The following SPAG16 variants were observed in gnomAD, a reference collection of about 807,000 sequenced individuals.
SPAG16 encodes sperm associated antigen 16, also known as sperm-associated antigen 16 protein.
A neutral mutation model predicts 80.4 loss-of-function variants in SPAG16; 86 were observed. The observed-to-expected ratio is 1.07, with a 90% CI of 0.90 to 1.28. The LOEUF is 1.28. SPAG16 is among the 50% of genes most tolerant of loss of function. SPAG16 has a pLI of 0.00. For synonymous variants in SPAG16, 294 were observed against 265.9 expected (o/e 1.11, Z -1.03); for missense variants, 870 against 765.3 (o/e 1.14, Z -1.61).
chr2:213,475,419 G>A (rs1473386300), intron 9 of SPAG16, among the ~76,000 whole-genome samples: 2 of 152,214 alleles, frequency 1.3e-5, no homozygotes, highest in Non-Finnish European at 2.9e-5. Context: ...AGGAGTCCCA[G>A]TGATTCAGGA....
chr2:214,335,679 G>A (rs1697230339), intron 15 of SPAG16, among the ~76,000 whole-genome samples: 1 of 150,796 alleles, frequency 6.6e-6, no homozygotes, highest in African/African-American at 2.4e-5. Flanking sequence ...CCCGTTTATG[G>A]TGTCATATAA....
intron 10 of SPAG16, among the ~76,000 whole-genome samples, chr2:213,827,422 T>G (rs184632913): frequency 6.6e-6 from 1 of 152,218 alleles, no homozygotes; most frequent in East Asian, 1.9e-4. Flanking sequence ...AACTTGACAC[T>G]CTTTGCATAA....
chr2:214,215,659 GT>G (rs2125761065), intron 15 of SPAG16, among the ~76,000 whole-genome samples: 1 of 152,254 alleles, frequency 6.6e-6, no homozygotes, highest in Non-Finnish European at 1.5e-5. Flanking sequence ...AGCAACAAGT[GT>G]TCTTTGTAAC....
At chr2:213,952,526 T>A (rs2079842839) in intron 12 of SPAG16, among the ~76,000 whole-genome samples, 1 of 152,100 alleles carries the variant, frequency 6.6e-6, no homozygotes, top group Non-Finnish European at 1.5e-5. Context: ...AATCTTCACA[T>A]GCAAAATTAA....
At chr2:213,499,166 C>G (rs1005846969) in intron 10 of SPAG16, among the ~76,000 whole-genome samples, 1 of 152,068 alleles carries the variant, frequency 6.6e-6, no homozygotes, top group East Asian at 1.9e-4. Context: ...TTCATGTGTT[C>G]ATGCATTGGC....
At chr2:214,353,489 G>A (rs1698563023) in intron 15 of SPAG16, among the ~76,000 whole-genome samples, 1 of 152,168 alleles carries the variant, frequency 6.6e-6, no homozygotes, top group Admixed American at 6.5e-5. Flanking sequence ...TGCAAGAGAT[G>A]TAGCAATCTT....
chr2:214,390,567 G>A lies in SPAG16; in HGVS notation c.1721-19573G>A, dbSNP rs375548686. ...AATGCTGAATTAAATATGACTAAAA[G>A]ATATAAACTGAATGGGCAGTTTAAA... On this transcript the variant is annotated intron_variant, in intron 15 of 15. Coordinates refer to ENST00000331683, the MANE Select transcript of SPAG16 (RefSeq NM_024532.5). Among the ~76,000 whole-genome samples, 18 of 152,106 alleles carry A rather than the reference G, an allele frequency of 1.2e-4. No individual in the cohort carries two copies. In the East Asian group the frequency reaches 1.6e-3, roughly 13 times the overall value.
At chr2:213,782,987 G>A (rs1005778965) in intron 10 of SPAG16, among the ~76,000 whole-genome samples, 36 of 151,674 alleles carry the variant, frequency 2.4e-4, no homozygotes, top group African/African-American at 7.5e-4. Flanking sequence ...ATGCTGGTGC[G>A]CTGCACCCAC....
intron 10 of SPAG16, among the ~76,000 whole-genome samples, chr2:213,842,611 A>T (rs929438151): frequency 2.0e-5 from 3 of 152,132 alleles, no homozygotes; most frequent in Non-Finnish European, 4.4e-5. Context: ...TAAACTAGTT[A>T]TTGTGGCTAT....
intron 15 of SPAG16, among the ~76,000 whole-genome samples, chr2:214,211,293 T>C (rs2058286830): frequency 2.0e-5 from 3 of 152,218 alleles, no homozygotes; most frequent in African/African-American, 7.2e-5. Context: ...AAAATGTGTT[T>C]CATTTTTAGT....
intron 15 of SPAG16, among the ~76,000 whole-genome samples, chr2:214,364,945 T>C (rs1367773354): frequency 6.6e-6 from 1 of 152,128 alleles, no homozygotes; most frequent in Non-Finnish European, 1.5e-5. Flanking sequence ...TGTGAAATGG[T>C]ACAAAGCCTG....
intron 15 of SPAG16, among the ~76,000 whole-genome samples, chr2:214,303,708 T>A (rs891916667): frequency 6.6e-6 from 1 of 152,206 alleles, no homozygotes; most frequent in African/African-American, 2.4e-5. Context: ...GCCCATCAAA[T>A]ATGATTTTCT....
At chr2:214,076,875 T>C (rs2051106832) in intron 13 of SPAG16, among the ~76,000 whole-genome samples, 1 of 152,158 alleles carries the variant, frequency 6.6e-6, no homozygotes, top group Non-Finnish European at 1.5e-5. Context: ...AACCATCAAC[T>C]TGTACCCTGA....
At chr2:213,656,380 C>T (rs953757429) in intron 10 of SPAG16, among the ~76,000 whole-genome samples, 45 of 152,170 alleles carry the variant, frequency 3.0e-4, no homozygotes, top group African/African-American at 1.0e-3. Context: ...CCGTGTTAGC[C>T]ATGATGGTCT....
Position 214,117,541 on chromosome 2 carries a change from C to G in SPAG16, c.1593+9280C>G, listed in dbSNP as rs1305575868. ...CTGATACCAAAACCAGACAAGGACCCAACAACAACAACAACCAACACTATT... is the reference window on the plus strand; with the variant it reads ...CTGATACCAAAACCAGACAAGGACCGAACAACAACAACAACCAACACTATT... On this transcript the variant is annotated intron_variant, in intron 14 of 15. Transcript: ENST00000331683. Among the ~76,000 whole-genome samples, 5 of 151,888 alleles carry G rather than the reference C, an allele frequency of 3.3e-5. No individual in the cohort carries two copies. The East Asian group carries it at 9.7e-4, about 29-fold the overall frequency.
chr2:213,356,824 C>A (rs754632304), intron 7 of SPAG16, among the ~76,000 whole-genome samples: 6 of 152,088 alleles, frequency 3.9e-5, no homozygotes, highest in Non-Finnish European at 8.8e-5. Context: ...TTCTCTAGTT[C>A]TTTTTATTGT....
At chr2:213,602,096 C>T (rs1281155291) in intron 10 of SPAG16, among the ~76,000 whole-genome samples, 1 of 152,204 alleles carries the variant, frequency 6.6e-6, no homozygotes, top group Non-Finnish European at 1.5e-5. Flanking sequence ...CTCACCCTTG[C>T]CTGCCACTTA....
chr2:213,437,205 G>C (rs1308954146), intron 9 of SPAG16, among the ~76,000 whole-genome samples: 1 of 152,160 alleles, frequency 6.6e-6, no homozygotes, highest in Admixed American at 6.6e-5. Flanking sequence ...GGCCAAAAAT[G>C]AGAAACTCTT....
At chr2:213,443,761 A>G (rs1022704945) in intron 9 of SPAG16, among the ~76,000 whole-genome samples, 2 of 152,140 alleles carry the variant, frequency 1.3e-5, no homozygotes, top group South Asian at 2.1e-4. Context: ...AGTGTGAAGC[A>G]ATGTCTCAGT....
Sources: gnomAD v4.1 joint callset for allele counts (sites outside exome capture counted in the v4.1 genomes callset) on GRCh38, gnomAD v4.1.1 for gene constraint, MANE v1.5 for transcripts, NCBI Gene and HGNC (gene_info 2026-07-23, HGNC 2026-07-21) for gene names.